JCHAIN: variants seen among roughly 807,000 people sequenced by gnomAD.
The protein encoded by JCHAIN is immunoglobulin J chain.
JCHAIN carries 5 observed loss-of-function variants against 11.1 expected under a neutral mutation model. The observed-to-expected ratio is 0.45, with a 90% CI of 0.24 to 0.95. JCHAIN has a LOEUF of 0.95. Ranked by LOEUF, JCHAIN falls within the 40% of genes least tolerant of loss-of-function variation. The pLI is 0.21. For missense variants in JCHAIN, 165 were observed against 192.7 expected, an observed-to-expected ratio of 0.86 and a Z score of 0.85; for synonymous variants, 51 against 67.8, an observed-to-expected ratio of 0.75 and a Z score of 1.22.
intron 2 of JCHAIN, among the ~76,000 whole-genome samples, chr4:70,660,800 A>G (rs1302258248): frequency 1.3e-5 from 2 of 152,230 alleles, no homozygotes; most frequent in African/African-American, 2.4e-5. Context: ...CCTAAGGTCA[A>G]TGTTGGGGAA....
chr4:70,662,333 G>C, intron 1 of JCHAIN, 118 bp from the exon 2 acceptor site: 2 of 836,972 alleles, frequency 2.4e-6, no homozygotes, highest in South Asian at 3.6e-5. Flanking sequence ...GTTTGTCTCA[G>C]CTTTCTCCAT....
At chr4:70,666,053 C>T (rs1278914573) in intron 1 of JCHAIN, among the ~76,000 whole-genome samples, 2 of 152,018 alleles carry the variant, frequency 1.3e-5, no homozygotes, top group African/African-American at 4.8e-5. Context: ...AAATAAAATC[C>T]CAATGCATTC....
At chr4:70,665,378 C>T (rs1739131976) in intron 1 of JCHAIN, among the ~76,000 whole-genome samples, 1 of 152,112 alleles carries the variant, frequency 6.6e-6, no homozygotes, top group Non-Finnish European at 1.5e-5. Flanking sequence ...AAGGAATTAG[C>T]ATGATACCTA....
chr4:70,665,923 A>G (rs1309683483), intron 1 of JCHAIN: 3 of 322,046 alleles, frequency 9.3e-6, no homozygotes, highest in Admixed American at 3.6e-5. Context: ...CAAAATAACA[A>G]AAGTTCAGTC....
intron 2 of JCHAIN, among the ~76,000 whole-genome samples, chr4:70,660,378 A>ATTT (rs11290121): frequency 4.5e-4 from 60 of 134,188 alleles, no homozygotes; most frequent in South Asian, 2.3e-3. Flanking sequence ...GCAGTGCTGA[A>ATTT]TTTTTTTTTT....
chr4:70,658,801 G>T (rs568045394), intron 2 of JCHAIN, among the ~76,000 whole-genome samples: 2 of 152,146 alleles, frequency 1.3e-5, no homozygotes, highest in Non-Finnish European at 2.9e-5. Flanking sequence ...ATTGGACTGG[G>T]TGCCCCTCCT....
In JCHAIN at chr4:70,662,098, C is replaced by T. The variant is rs746912095; in HGVS notation, c.182G>A (p.Arg61Gln). 1.9e-6 allele frequency: 3 copies of T among 1,613,634 alleles called. No individual in the cohort carries two copies. The highest frequency in any genetic ancestry group is 1.7e-6 in the Non-Finnish European group (2 of 1,179,676). ...AATATGGAATGCCACATACATAATTCGGATGTTTCTCTCCACAATGTCCTC... is the reference window on the plus strand; with the variant it reads ...AATATGGAATGCCACATACATAATTTGGATGTTTCTCTCCACAATGTCCTC... ...PNEDIVERNI[R>Q]IIVPLNNREN... is the part of the protein sequence containing the mutation. Residue 61 changes from arginine to glutamine, a missense_variant, in exon 2 of 4, where the codon CGA (arginine) becomes CAA (glutamine). Arg to Gln is a conservative substitution (Grantham distance 43). Coordinates refer to ENST00000254801, the MANE Select transcript of JCHAIN (RefSeq NM_144646.4).
At position 70,655,753 on chromosome 4, in the gene JCHAIN, A is replaced by T. The variant is rs1577977542; in HGVS notation, c.*576T>A. 6.6e-6 allele frequency: 1 copy of T among 152,184 alleles called. No homozygotes were observed. Among genetic ancestry groups the T allele is most frequent in the African/African-American group, 2.4e-5 (1 of 41,470 alleles). 9.4% of individuals were successfully genotyped at this position (152,184 alleles called of 1,614,324 possible). A position where few individuals can be genotyped will look rare whatever the true frequency, so the allele number is the denominator to read the frequency against. On this transcript the variant is annotated 3_prime_UTR_variant, in exon 4 of 4. Coordinates refer to ENST00000254801, the MANE Select transcript of JCHAIN (RefSeq NM_144646.4). Reference sequence around the variant, plus strand: ...ATTATGCATTTATTTTGCTACTTTTATAAATATTAGAGATTTCACCTTAAA... The same window carrying T: ...ATTATGCATTTATTTTGCTACTTTTTTAAATATTAGAGATTTCACCTTAAA...
In JCHAIN at chr4:70,657,268, T is replaced by G. The variant is rs924730867; in HGVS notation, c.212A>C (p.Asn71Thr). ...RIIVPLNNRE[N>T]ISDPTSPLRT... The stretch of plus-strand genomic sequence containing the variant: ...CAATGGTGAGGTGGGATCAGAGATA[T>G]TCTCCCTGTTGTTCAGAGGAACACT... The change falls in exon 3 of 4, where the codon AAT (asparagine) becomes ACT (threonine). Residue 71 changes from asparagine to threonine, a missense_variant. Asn to Thr is a moderately conservative substitution (Grantham distance 65, BLOSUM62 0). Coordinates refer to ENST00000254801, the MANE Select transcript of JCHAIN (RefSeq NM_144646.4). 11 of 1,601,048 alleles carry G rather than the reference T, an allele frequency of 6.9e-6. No homozygotes were observed. Among genetic ancestry groups the G allele is most frequent in the African/African-American group, 2.7e-5 (2 of 74,628 alleles).
intron 3 of JCHAIN, among the ~76,000 whole-genome samples, chr4:70,656,868 T>G (rs1224306145): frequency 6.6e-6 from 1 of 152,188 alleles, no homozygotes; most frequent in Non-Finnish European, 1.5e-5. Context: ...AAAGGGAGAA[T>G]TTTTAAAAAA....
chr4:70,657,286 G>A lies in JCHAIN; in HGVS notation c.194C>T (p.Pro65Leu), dbSNP rs1037896113. The part of the protein sequence containing the change: ...IVERNIRIIV[P>L]LNNRENISDP... Reference sequence around the variant, plus strand: ...AGAGATATTCTCCCTGTTGTTCAGAGGAACACTAAAAGAAAAGAAAGAAAA... The same window carrying A: ...AGAGATATTCTCCCTGTTGTTCAGAAGAACACTAAAAGAAAAGAAAGAAAA... Residue 65 changes from proline (P) to leucine (L), a missense_variant, in exon 3 of 4, where the codon CCT becomes CTT. By Grantham distance (98) the Pro-to-Leu change is moderately conservative. Coordinates refer to ENST00000254801, the MANE Select transcript of JCHAIN (RefSeq NM_144646.4). The A allele has an allele frequency of 6.3e-7, 1 of 1,584,860 alleles. No individual in the cohort carries two copies. Among genetic ancestry groups the A allele is most frequent in the Non-Finnish European group, 8.7e-7 (1 of 1,155,304 alleles).
At position 70,657,216 on chromosome 4, in the gene JCHAIN, A is replaced by T; in HGVS notation, c.264T>A (p.Ser88=). The change falls in exon 3 of 4, where the codon TCT becomes TCA. Residue 88 remains serine, a synonymous_variant. Coordinates refer to ENST00000254801, the MANE Select transcript of JCHAIN (RefSeq NM_144646.4). The part of the protein sequence containing the change: ...PLRTRFVYHL[S]DLCKKCDPTE... ...TGGAAAAAAATATATCTTACAGGTC[A>T]GACAAATGGTACACAAATCTGGTTC... is the stretch of plus-strand genomic sequence containing the variant. The T allele has an allele frequency of 6.3e-7, 1 of 1,575,728 alleles. No homozygotes were observed. Among genetic ancestry groups the T allele is most frequent in the Non-Finnish European group, 8.7e-7 (1 of 1,145,988 alleles).
At chr4:70,659,604 G>A (rs1001461295) in intron 2 of JCHAIN, among the ~76,000 whole-genome samples, 1 of 134,516 alleles carries the variant, frequency 7.4e-6, no homozygotes, top group African/African-American at 2.8e-5. Flanking sequence ...GCTCATGCCT[G>A]CAGTCTCAGC....
At chr4:70,665,906 C>T in intron 1 of JCHAIN, 1 of 325,386 alleles carries the variant, frequency 3.1e-6, no homozygotes, top group Non-Finnish European at 6.3e-6. Flanking sequence ...TTTGAAAGAT[C>T]AGTAAACAAA....
chr4:70,656,647 C>A, intron 3 of JCHAIN, 108 bp from the exon 4 acceptor site: 2 of 743,100 alleles, frequency 2.7e-6, no homozygotes, highest in Non-Finnish European at 4.7e-6. Flanking sequence ...GACATGACAG[C>A]AAGGGATGAC....
chr4:70,660,031 A>G (rs1413715388), intron 2 of JCHAIN, among the ~76,000 whole-genome samples: 3 of 152,206 alleles, frequency 2.0e-5, no homozygotes, highest in Non-Finnish European at 2.9e-5. Context: ...CATTTCATAA[A>G]ATAAAAAGAT....
intron 3 of JCHAIN, among the ~76,000 whole-genome samples, chr4:70,656,775 A>G (rs1005116448): frequency 5.3e-5 from 8 of 152,196 alleles, no homozygotes; most frequent in Non-Finnish European, 1.0e-4. Flanking sequence ...TGATTGTTTT[A>G]TCTACACCAT....
At chr4:70,659,378 T>G (rs984684026) in intron 2 of JCHAIN, among the ~76,000 whole-genome samples, 1 of 150,180 alleles carries the variant, frequency 6.7e-6, no homozygotes. Flanking sequence ...GATGAAACCT[T>G]GTCTCTACTA....
chr4:70,663,192 A>G (rs16845139), intron 1 of JCHAIN, among the ~76,000 whole-genome samples: 2,156 of 152,038 alleles, frequency 0.014, 49 homozygotes, highest in African/African-American at 0.049. Flanking sequence ...GAGGTCTGAT[A>G]AGTTGTTTGT....
Sources: allele counts gnomAD v4.1 joint callset (sites outside exome capture counted in the v4.1 genomes callset), GRCh38; gene constraint gnomAD v4.1.1; transcripts MANE v1.5; gene names NCBI Gene and HGNC (gene_info 2026-07-23, HGNC 2026-07-21).